Variants in LYRM4 observed in about 807,000 individuals in gnomAD.
The protein encoded by LYRM4 is LYR motif-containing protein 4.
LYRM4 carries 9 observed loss-of-function variants against 11.7 expected under a neutral mutation model. The observed-to-expected ratio is 0.77, with a 90% CI of 0.46 to 1.34. The LOEUF is 1.34. Among genes scored for constraint, LYRM4 ranks in the 40% most tolerant of loss-of-function variants. The probability of loss-of-function intolerance (pLI) is 0.00; values close to 1 mark genes in which losing one functional copy is unlikely to be tolerated. For missense variants in LYRM4, 133 were observed against 112.5 expected (o/e 1.18, Z -0.82); for synonymous variants, 42 against 40.4 (o/e 1.04, Z -0.15).
chr6:5,085,544 A>T, the LYRM4 span: 3 of 1,540,340 alleles, frequency 1.9e-6, no homozygotes, highest in Non-Finnish European at 1.7e-6. Context: ...CCCTTCCGAG[A>T]GGCCCCGCCG....
intron 2 of LYRM4, among the ~76,000 whole-genome samples, chr6:5,169,875 G>T (rs1759318685): frequency 6.6e-6 from 1 of 152,190 alleles, no homozygotes; most frequent in South Asian, 2.1e-4. Flanking sequence ...CCAACGGTAG[G>T]ATAACTTGAG....
intron 2 of LYRM4, among the ~76,000 whole-genome samples, chr6:5,172,180 G>A (rs924997457): frequency 3.3e-5 from 5 of 152,146 alleles, no homozygotes; most frequent in African/African-American, 9.7e-5. Flanking sequence ...AGGCCTACCC[G>A]GAAACCCTAG....
chr6:5,105,826 C>T (rs1019720597), downstream of LYRM4: 1 of 154,562 alleles, frequency 6.5e-6, no homozygotes, highest in Non-Finnish European at 1.4e-5. Context: ...AAAAACAAAA[C>T]AAAACAAAAC....
At chr6:5,146,693 T>C (rs914941176) in intron 2 of LYRM4, among the ~76,000 whole-genome samples, 4 of 152,176 alleles carry the variant, frequency 2.6e-5, no homozygotes, top group African/African-American at 7.2e-5. Flanking sequence ...TTAGGAATAA[T>C]TGCATACCAC....
intron 2 of LYRM4, among the ~76,000 whole-genome samples, chr6:5,185,098 C>T (rs1013280365): frequency 2.0e-5 from 3 of 152,348 alleles, no homozygotes; most frequent in South Asian, 4.1e-4. Flanking sequence ...TGCTGCATCA[C>T]AATACGCTCC....
chr6:5,208,556 T>C (rs1309032630), intron 2 of LYRM4, among the ~76,000 whole-genome samples: 1 of 152,214 alleles, frequency 6.6e-6, no homozygotes, highest in African/African-American at 2.4e-5. Context: ...AACTGTTGTA[T>C]ATGAAAGACG....
intron 2 of LYRM4, among the ~76,000 whole-genome samples, chr6:5,154,609 G>A (rs887623320): frequency 6.6e-6 from 1 of 152,202 alleles, no homozygotes; most frequent in East Asian, 1.9e-4. Context: ...GAGGTCAGGA[G>A]ATCGAGACCA....
chr6:5,243,474 AT>A (rs1243129626), intron 1 of LYRM4, among the ~76,000 whole-genome samples: 1 of 152,240 alleles, frequency 6.6e-6, no homozygotes, highest in African/African-American at 2.4e-5. Flanking sequence ...CTGAAAGGCA[AT>A]AACTCTTTCC....
chr6:5,241,292 T>G (rs966251884), intron 1 of LYRM4, among the ~76,000 whole-genome samples: 1 of 152,214 alleles, frequency 6.6e-6, no homozygotes, highest in African/African-American at 2.4e-5. Flanking sequence ...GTCTATAACA[T>G]ACAGTGCGTG....
At chr6:5,126,062 C>A (rs1445828078) in intron 2 of LYRM4, among the ~76,000 whole-genome samples, 1 of 152,234 alleles carries the variant, frequency 6.6e-6, no homozygotes, top group African/African-American at 2.4e-5. Context: ...ACGTTCCTGT[C>A]ACTTACCTTT....
At chr6:5,158,910 A>G (rs1460603046) in intron 2 of LYRM4, among the ~76,000 whole-genome samples, 1 of 152,158 alleles carries the variant, frequency 6.6e-6, no homozygotes, top group Admixed American at 6.5e-5. Flanking sequence ...TTTGAGAGGG[A>G]GTATTTTAAA....
chr6:5,071,889 C>G, the LYRM4 span, among the ~76,000 whole-genome samples: 1 of 152,114 alleles, frequency 6.6e-6, no homozygotes, highest in African/African-American at 2.4e-5. Context: ...AAGTGATCTG[C>G]CCACCTCGGC....
chr6:5,188,196 A>T (rs1760533954), intron 2 of LYRM4, among the ~76,000 whole-genome samples: 1 of 152,120 alleles, frequency 6.6e-6, no homozygotes, highest in South Asian at 2.1e-4. Flanking sequence ...CCAAAAACAA[A>T]CAAATGAACA....
At chr6:5,101,964 C>CTTTTTTTTTTTTTTTTTTTTTTTTTT (rs1431348110), downstream of LYRM4, among the ~76,000 whole-genome samples, 1 of 36,194 alleles carries the variant, frequency 2.8e-5, no homozygotes, top group Non-Finnish European at 6.8e-5. Flanking sequence ...CCAACTAATG[C>CTTTTTTTTTTTTTTTTTTTTTTTTTT]TTTCTTTTTT....
the LYRM4 span, among the ~76,000 whole-genome samples, chr6:5,036,356 C>T: frequency 2.6e-5 from 4 of 152,212 alleles, no homozygotes; most frequent in South Asian, 8.3e-4. Context: ...AGGGAAAAAA[C>T]AGAGAGCGCC....
downstream of LYRM4, among the ~76,000 whole-genome samples, chr6:5,098,940 A>G (rs1366862141): frequency 1.3e-5 from 2 of 152,258 alleles, no homozygotes; most frequent in South Asian, 2.1e-4. Context: ...GGTTGCCGAG[A>G]GGACTTTTCC....
At chr6:5,045,296 A>C in the LYRM4 span, among the ~76,000 whole-genome samples, 7 of 152,246 alleles carry the variant, frequency 4.6e-5, no homozygotes, top group Non-Finnish European at 8.8e-5. Flanking sequence ...CAAGGAAGGA[A>C]GTCCCGCCAC....
At chr6:5,150,755 C>T (rs1034495596) in intron 2 of LYRM4, among the ~76,000 whole-genome samples, 6 of 152,186 alleles carry the variant, frequency 3.9e-5, no homozygotes, top group African/African-American at 1.4e-4. Flanking sequence ...TGACTACTAT[C>T]TTGAGTTGTA....
chr6:5,176,805 G>C (rs1038796646), intron 2 of LYRM4, among the ~76,000 whole-genome samples: 4 of 152,176 alleles, frequency 2.6e-5, no homozygotes, highest in Non-Finnish European at 5.9e-5. Context: ...GTGTATCTCA[G>C]ATTTCTAAAA....
Sources: allele counts gnomAD v4.1 joint callset (sites outside exome capture counted in the v4.1 genomes callset), GRCh38; gene constraint gnomAD v4.1.1; transcripts MANE v1.5; gene names NCBI Gene and HGNC (gene_info 2026-07-23, HGNC 2026-07-21).